Variants in JAZF1 observed in about 807,000 individuals in gnomAD.
JAZF1 encodes juxtaposed with another zinc finger protein 1.
In JAZF1, 8 loss-of-function variants were observed where a neutral mutation model predicts 26.4. That is an observed-to-expected ratio of 0.30 (90% confidence interval 0.18 to 0.55). The LOEUF (loss-of-function observed/expected upper bound fraction) is 0.55, where lower values mean the gene tolerates loss of function less well. JAZF1 is among the 20% of genes least tolerant of loss of function. The pLI is 0.94. For missense variants in JAZF1, 199 were observed against 322.0 expected (o/e 0.62, Z 2.92); for synonymous variants, 126 against 122.3 (o/e 1.03, Z -0.20).
chr7:27,910,102 T>C (rs909331314), intron 2 of JAZF1, among the ~76,000 whole-genome samples: 3 of 152,216 alleles, frequency 2.0e-5, no homozygotes, highest in Admixed American at 2.0e-4. Flanking sequence ...TTTGAAAATA[T>C]CAGCCAATGG....
chr7:28,134,174 A>G (rs1782842778), intron 1 of JAZF1, among the ~76,000 whole-genome samples: 1 of 152,118 alleles, frequency 6.6e-6, no homozygotes, highest in Admixed American at 6.6e-5. Flanking sequence ...ACTACATGGG[A>G]TACTGCTTTT....
chr7:27,861,279 G>A lies in JAZF1; in HGVS notation c.386-20412C>T, dbSNP rs369684411. On this transcript the variant is annotated intron_variant, in intron 3 of 4. Coordinates refer to ENST00000283928, the MANE Select transcript of JAZF1 (RefSeq NM_175061.4). ...GGGACTCATCCACCTGGAAACTCAC[G>A]CCCTTCAGTTCTGGGAAATTTCTTT... Among the ~76,000 whole-genome samples the A allele has an allele frequency of 2.1e-4, 32 of 152,074 alleles. No homozygotes were observed. In the Middle Eastern group the frequency reaches 0.014, roughly 65 times the overall value.
chr7:28,128,324 C>T (rs1009868947), intron 1 of JAZF1, among the ~76,000 whole-genome samples: 1 of 152,096 alleles, frequency 6.6e-6, no homozygotes, highest in African/African-American at 2.4e-5. Flanking sequence ...GAGTTTGAGA[C>T]CAGCCTGGCC....
intron 1 of JAZF1, among the ~76,000 whole-genome samples, chr7:28,077,936 C>T (rs559965547): frequency 3.9e-5 from 6 of 152,304 alleles, no homozygotes; most frequent in Admixed American, 1.3e-4. Context: ...TCCCCATCTA[C>T]TATTTAAGAC....
chr7:28,096,293 G>T (rs1320185150), intron 1 of JAZF1, among the ~76,000 whole-genome samples: 1 of 152,218 alleles, frequency 6.6e-6, no homozygotes, highest in Non-Finnish European at 1.5e-5. Flanking sequence ...ATGAGTAAAA[G>T]GCAACACTTT....
At chr7:28,136,584 A>G (rs1782889757) in intron 1 of JAZF1, among the ~76,000 whole-genome samples, 1 of 152,260 alleles carries the variant, frequency 6.6e-6, no homozygotes, top group Admixed American at 6.5e-5. Context: ...GTATGATTAG[A>G]CAGCTCAAAT....
At chr7:28,031,081 T>G (rs1213647001) in intron 1 of JAZF1, among the ~76,000 whole-genome samples, 1 of 152,200 alleles carries the variant, frequency 6.6e-6, no homozygotes, top group Non-Finnish European at 1.5e-5. Context: ...TCACATCTAC[T>G]TAGTATATGG....
intron 1 of JAZF1, among the ~76,000 whole-genome samples, chr7:28,002,513 A>G (rs1782620407): frequency 6.6e-6 from 1 of 152,170 alleles, no homozygotes; most frequent in South Asian, 2.1e-4. Context: ...ATCCACAAGA[A>G]GTTGATAAGG....
At chr7:27,913,696 C>A (rs1252004410) in intron 2 of JAZF1, among the ~76,000 whole-genome samples, 1 of 152,214 alleles carries the variant, frequency 6.6e-6, no homozygotes. Context: ...TGCCTCATTT[C>A]TCTTGCATTC....
chr7:28,054,908 T>C (rs963416924), intron 1 of JAZF1, among the ~76,000 whole-genome samples: 3 of 152,002 alleles, frequency 2.0e-5, no homozygotes, highest in African/African-American at 7.2e-5. Context: ...TAAAACAAGC[T>C]ACAGTGCATG....
rs141143050 is a variant in JAZF1 at position 27,839,726 on chromosome 7, G to A, written c.555+972C>T. On this transcript the variant is annotated intron_variant, in intron 4 of 4. Transcript: ENST00000283928. ...TGCTAACTTTGTGATACATTTGTGT[G>A]CCATGCTTTTATATCAATAGCTGCT... Among the ~76,000 whole-genome samples the A allele has an allele frequency of 6.4e-3, 976 of 152,288 alleles. 6 individuals are homozygous for A. Among genetic ancestry groups the A allele is most frequent in the African/African-American group, 0.022 (925 of 41,552 alleles).
intron 2 of JAZF1, among the ~76,000 whole-genome samples, chr7:27,980,259 T>G (rs920337674): frequency 6.6e-6 from 1 of 152,200 alleles, no homozygotes; most frequent in African/African-American, 2.4e-5. Context: ...ACAGGTATAC[T>G]GTGGGGTTTT....
At chr7:28,098,135 T>C (rs1031081600) in intron 1 of JAZF1, among the ~76,000 whole-genome samples, 1 of 152,112 alleles carries the variant, frequency 6.6e-6, no homozygotes, top group African/African-American at 2.4e-5. Flanking sequence ...TGGGAGATGA[T>C]CAGGTCATGA....
chr7:27,969,200 G>A (rs1234606892), intron 2 of JAZF1, among the ~76,000 whole-genome samples: 1 of 152,130 alleles, frequency 6.6e-6, no homozygotes, highest in Non-Finnish European at 1.5e-5. Context: ...AGTCAGCCAA[G>A]TCTGGCATCA....
At chr7:27,945,761 G>A (rs1311851065) in intron 2 of JAZF1, among the ~76,000 whole-genome samples, 1 of 152,196 alleles carries the variant, frequency 6.6e-6, no homozygotes, top group Non-Finnish European at 1.5e-5. Flanking sequence ...GGTCTTTCTT[G>A]AAAGCAACTT....
intron 1 of JAZF1, among the ~76,000 whole-genome samples, chr7:28,003,316 T>C (rs1446965226): frequency 6.6e-6 from 1 of 152,178 alleles, no homozygotes; most frequent in Non-Finnish European, 1.5e-5. Flanking sequence ...ACAGCCTCTG[T>C]GGCTAACTCT....
chr7:28,034,562 C>CCCA (rs1783252418), intron 1 of JAZF1, among the ~76,000 whole-genome samples: 2 of 151,098 alleles, frequency 1.3e-5, no homozygotes, highest in Admixed American at 6.6e-5. Flanking sequence ...GGAAAATATT[C>CCCA]TTATTTTTCC....
At chr7:27,880,243 T>C (rs1783745619) in intron 3 of JAZF1, among the ~76,000 whole-genome samples, 1 of 152,178 alleles carries the variant, frequency 6.6e-6, no homozygotes, top group African/African-American at 2.4e-5. Flanking sequence ...AAGAAACACA[T>C]ATTTGTTGGA....
At chr7:27,932,420 T>G (rs758179318) in intron 2 of JAZF1, among the ~76,000 whole-genome samples, 5 of 152,192 alleles carry the variant, frequency 3.3e-5, no homozygotes, top group Non-Finnish European at 7.3e-5. Flanking sequence ...TTATGAGGAC[T>G]GTTGGTATGT....
Sources: allele counts gnomAD v4.1 joint callset (sites outside exome capture counted in the v4.1 genomes callset), GRCh38; gene constraint gnomAD v4.1.1; transcripts MANE v1.5; gene names NCBI Gene and HGNC (gene_info 2026-07-23, HGNC 2026-07-21).